DLG3: variants seen among roughly 807,000 people sequenced by gnomAD.
DLG3 encodes the protein disks large homolog 3.
Under a neutral mutation model 64.1 loss-of-function variants are expected in DLG3, and 1 was observed. That is an observed-to-expected ratio of 0.02 (90% CI 0.01 to 0.07). The LOEUF is 0.07. DLG3 is among the 10% of genes least tolerant of loss of function. DLG3 has a pLI of 1.00. For missense variants in DLG3, 429 were observed against 669.5 expected (o/e 0.64, Z 3.96); for synonymous variants, 245 against 259.8 (o/e 0.94, Z 0.55).
intron 12 of DLG3, among the ~76,000 whole-genome samples, chrX:70,494,371 G>A (rs2087415010): frequency 8.9e-6 from 1 of 112,075 alleles, no homozygotes. Context: ...TACATGGAGG[G>A]ATCTTGGGGT....
intron 9 of DLG3, among the ~76,000 whole-genome samples, chrX:70,467,893 A>G (rs916902380): frequency 8.9e-6 from 1 of 111,845 alleles, no homozygotes; most frequent in Non-Finnish European, 1.9e-5. Flanking sequence ...AATATGCTAT[A>G]TGAAATTGCT....
At chrX:70,457,726 C>T (rs1174482963) in intron 9 of DLG3, among the ~76,000 whole-genome samples, 1 of 106,798 alleles carries the variant, frequency 9.4e-6, no homozygotes, top group Non-Finnish European at 1.9e-5. Context: ...TGCTCGCCAC[C>T]ACGCCCGGCT....
At chrX:70,470,119 C>A (rs1024994512) in intron 9 of DLG3, among the ~76,000 whole-genome samples, 1 of 112,466 alleles carries the variant, frequency 8.9e-6, no homozygotes, top group Non-Finnish European at 1.9e-5. Context: ...CAAGAAGATA[C>A]AGTTCTCTAT....
Position 70,502,359 on chromosome X carries a change from AAAT to A in DLG3, c.*91_*93del. On this transcript the variant is annotated 3_prime_UTR_variant, in exon 19 of 19. Coordinates refer to ENST00000374360, the MANE Select transcript of DLG3 (RefSeq NM_021120.4). ...TCATTCCTGTCCCCATGGGGAGAACAAATGCTACTGTTCTTGTCCCCTTTTTTA... is the reference window on the plus strand; with the variant it reads ...TCATTCCTGTCCCCATGGGGAGAACAGCTACTGTTCTTGTCCCCTTTTTTA... The A allele has an allele frequency of 3.1e-6, 2 of 653,597 alleles. No individual in the cohort carries two copies. Among genetic ancestry groups the A allele is most frequent in the Non-Finnish European group, 5.0e-6 (2 of 403,377 alleles). The allele number at this position is 653,597 out of a possible 1,213,427, so 53.9% of individuals were successfully genotyped here.
In DLG3 at chrX:70,492,189, G is replaced by A; in HGVS notation, c.1603G>A (p.Val535Ile). 1 of 1,210,796 alleles carries A rather than the reference G, an allele frequency of 8.3e-7. No homozygotes were observed. The highest frequency in any genetic ancestry group is 3.0e-5 in the East Asian group (1 of 33,821). The change falls in exon 11 of 19, where the codon GTC becomes ATC. Residue 535 changes from valine to isoleucine, a missense_variant. Val to Ile is a conservative substitution (Grantham distance 29). This residue lies in a region of DLG3 where 25 missense variants were observed against 83.7 expected (regional missense o/e 0.30). Transcript: ENST00000374360. The part of the protein sequence containing the change: ...LSFSYGDILH[V>I]INASDDEWWQ... The stretch of plus-strand genomic sequence containing the variant: ...CTTCTCTTATGGTGACATTCTGCAT[G>A]TCATTAATGCCTCTGATGATGAGTG...
chrX:70,463,875 C>A (rs2086843483), intron 9 of DLG3, among the ~76,000 whole-genome samples: 2 of 111,709 alleles, frequency 1.8e-5, no homozygotes, highest in Middle Eastern at 4.6e-3. Flanking sequence ...TGTACCTGGA[C>A]TCTTTTATTG....
intron 10 of DLG3, among the ~76,000 whole-genome samples, chrX:70,481,624 G>A (rs890189665): frequency 1.8e-5 from 2 of 112,101 alleles, no homozygotes; most frequent in African/African-American, 3.2e-5. Flanking sequence ...GAAAGGAAGC[G>A]TGCATCTGCT....
intron 9 of DLG3, chrX:70,455,993 A>G (rs2086701148): frequency 8.9e-6 from 1 of 112,075 alleles, no homozygotes; most frequent in Admixed American, 9.5e-5. Context: ...GTGCCTCAAG[A>G]TCCTGAAGGG....
At chrX:70,481,125 T>C (rs963083974) in intron 10 of DLG3, among the ~76,000 whole-genome samples, 40 of 112,401 alleles carry the variant, frequency 3.6e-4, no homozygotes, top group African/African-American at 1.2e-3. Context: ...GGCTAAAGCA[T>C]TGAGCTGAGG....
chrX:70,452,731 C>A (rs1478430810), intron 7 of DLG3: 1 of 1,194,974 alleles, frequency 8.4e-7, no homozygotes. Context: ...CCGCTCCGCT[C>A]CCTGCGGCCC....
chrX:70,501,842 C>G (rs1250828410), intron 18 of DLG3, among the ~76,000 whole-genome samples: 2 of 112,153 alleles, frequency 1.8e-5, no homozygotes, highest in Admixed American at 1.9e-4. Flanking sequence ...ACTGCAAGGT[C>G]TGGCACATAG....
In DLG3 at chrX:70,449,444, T is replaced by C. The variant is rs1307071790; in HGVS notation, c.494T>C (p.Ile165Thr). 1 of 1,211,225 alleles carries C rather than the reference T, an allele frequency of 8.3e-7. No homozygotes were observed. Among genetic ancestry groups the C allele is most frequent in the Non-Finnish European group, 1.1e-6 (1 of 895,267 alleles). ...PDDPGIFITK[I>T]IPGGAAAMDG... The stretch of plus-strand genomic sequence containing the variant: ...GACCCTGGCATCTTTATTACCAAGA[T>C]TATCCCTGGTGGAGCAGCTGCCATG... The change falls in exon 3 of 19, where the codon ATT becomes ACT. Residue 165 changes from isoleucine to threonine, a missense_variant. Ile to Thr is a moderately conservative substitution (Grantham distance 89). This residue lies in a region of DLG3 where 73 missense variants were observed against 158.5 expected (regional missense o/e 0.46). Coordinates refer to ENST00000374360, the MANE Select transcript of DLG3 (RefSeq NM_021120.4).
At chrX:70,492,705 TTCA>T in intron 12 of DLG3, 109 bp downstream of exon 12, 1 of 721,075 alleles carries the variant, frequency 1.4e-6, no homozygotes, top group Non-Finnish European at 2.2e-6. Context: ...AAATCTCTTT[TTCA>T]GGGGGCTGGC....
At position 70,451,715 on chromosome X, in the gene DLG3, C is replaced by T. The variant is rs781184900; in HGVS notation, c.986-152C>T. ...ACTGCGGAGGAGGAACCCTGGGTGG[C>T]GGGTGGATGGAGTGGGGAGGTGCGG... On this transcript the variant is annotated intron_variant, in intron 6 of 18. Coordinates refer to ENST00000374360, the MANE Select transcript of DLG3 (RefSeq NM_021120.4). 3.5e-5 allele frequency: 22 copies of T among 620,788 alleles called. No homozygotes were observed. In the Admixed American group the frequency reaches 3.8e-4, roughly 11 times the overall value. The allele number at this position is 620,788 out of a possible 1,213,427, so 51.2% of individuals were successfully genotyped here.
At chrX:70,487,431 A>C (rs928032677) in intron 10 of DLG3, among the ~76,000 whole-genome samples, 2 of 111,998 alleles carry the variant, frequency 1.8e-5, no homozygotes, top group African/African-American at 6.5e-5. Flanking sequence ...ATCTTCATTG[A>C]GAACCAATTC....
In DLG3 at chrX:70,445,366, C is replaced by T; in HGVS notation, c.165C>T (p.Ser55=). 1 of 1,176,596 alleles carries T rather than the reference C, an allele frequency of 8.5e-7. No individual in the cohort carries two copies. Among genetic ancestry groups the T allele is most frequent in the Non-Finnish European group, 1.1e-6 (1 of 878,717 alleles). ...NGASAGYGGY[S]SQTLPSQAGA... The stretch of plus-strand genomic sequence containing the variant: ...CCAGCGCGGGTTATGGGGGCTACAG[C>T]TCGCAGACCTTGCCCTCGCAGGCGG... Residue 55 remains serine, a synonymous_variant, in exon 1 of 19, where the codon AGC becomes AGT. Transcript: ENST00000374360.
chrX:70,446,829 G>C (rs990502878), intron 1 of DLG3, among the ~76,000 whole-genome samples: 5 of 112,372 alleles, frequency 4.4e-5, no homozygotes, highest in Admixed American at 1.9e-4. Context: ...GCTGTCGAGG[G>C]CAGGTGATGA....
At chrX:70,474,180 G>C (rs1471681184) in intron 9 of DLG3, among the ~76,000 whole-genome samples, 1 of 111,896 alleles carries the variant, frequency 8.9e-6, no homozygotes, top group Non-Finnish European at 1.9e-5. Flanking sequence ...AAATTCTTTA[G>C]TGCTCATTGA....
chrX:70,505,373 T>C lies in DLG3; in HGVS notation c.*3104T>C, dbSNP rs1379441011. The C allele has an allele frequency of 8.9e-6, 1 of 112,246 alleles. No homozygotes were observed. The highest frequency in any genetic ancestry group is 1.9e-5 in the Non-Finnish European group (1 of 53,294). 9.3% of individuals were successfully genotyped at this position (112,246 alleles called of 1,213,427 possible). A position where few individuals can be genotyped will look rare whatever the true frequency, so the allele number is the denominator to read the frequency against. On this transcript the variant is annotated 3_prime_UTR_variant, in exon 19 of 19. Transcript: ENST00000374360. ...AGAGAGCCCTATCTCCTCCTGGTTT[T>C]GTTGCTGACATTGCAGCTGATCATG...
Sources: gnomAD v4.1 joint callset for allele counts (sites outside exome capture counted in the v4.1 genomes callset) on GRCh38, gnomAD v4.1.1 for gene constraint, gnomAD v4.1.1 regional missense constraint, MANE v1.5 for transcripts, NCBI Gene and HGNC (gene_info 2026-07-23, HGNC 2026-07-21) for gene names.